CLCN3: variants seen among roughly 807,000 people sequenced by gnomAD.
The protein encoded by CLCN3 is Cl-/H+ antiporter 3.
A neutral mutation model predicts 83.4 loss-of-function variants in CLCN3; 16 were observed. The ratio of observed to expected loss-of-function variants is 0.19; its 90% CI spans 0.13 to 0.29. CLCN3 has a LOEUF of 0.29. Among genes scored for constraint, CLCN3 ranks in the 10% least tolerant of loss-of-function variants. The pLI is 1.00. For missense variants in CLCN3, 544 were observed against 1,006.0 expected, an observed-to-expected ratio of 0.54 and a Z score of 6.21; for synonymous variants, 322 against 346.2, an observed-to-expected ratio of 0.93 and a Z score of 0.78.
In CLCN3 at chr4:169,687,700, A is replaced by G; in HGVS notation, c.361A>G (p.Ser121Gly). The change falls in exon 4 of 13, where the codon AGT becomes GGT. Residue 121 changes from serine to glycine, a missense_variant. This residue lies in a region of CLCN3 where 96 missense variants were observed against 202.1 expected (regional missense o/e 0.48). Transcript: ENST00000513761. Reference protein sequence around the residue: ...KKESAWEMTKSLYDAWSGWLV... With the variant: ...KKESAWEMTKGLYDAWSGWLV... ...AGAATCAGCATGGGAAATGACAAAA[A>G]GTTTGTATGATGCGTGGTCAGGATG... 3 of 1,611,550 alleles carry G rather than the reference A, an allele frequency of 1.9e-6. No homozygotes were observed. The highest frequency in any genetic ancestry group is 2.5e-6 in the Non-Finnish European group (3 of 1,178,748).
chr4:169,670,104 T>C (rs1731401407), intron 2 of CLCN3, among the ~76,000 whole-genome samples: 1 of 152,220 alleles, frequency 6.6e-6, no homozygotes, highest in Non-Finnish European at 1.5e-5. Flanking sequence ...TTTCTTTTAC[T>C]GTGCAGAAGC....
In CLCN3 at chr4:169,678,765, C is replaced by T. The variant is rs568357085; in HGVS notation, c.161-1285C>T. ...GTTATGGATTAACAGCATCCCAAGG[C>T]AGAAGAATTTTTCTTAGTACAGAAC... On this transcript the variant is annotated intron_variant, in intron 2 of 12. Coordinates refer to ENST00000513761, the MANE Select transcript of CLCN3 (RefSeq NM_001829.4). Among the ~76,000 whole-genome samples the T allele has an allele frequency of 8.8e-4, 134 of 152,330 alleles. 5 individuals are homozygous for T. The South Asian group carries it at 0.027, about 30-fold the overall frequency.
At chr4:169,664,816 A>G (rs965405684) in intron 2 of CLCN3, among the ~76,000 whole-genome samples, 1 of 152,212 alleles carries the variant, frequency 6.6e-6, no homozygotes, top group Non-Finnish European at 1.5e-5. Context: ...GCTTTGTATC[A>G]AGATTTCCGA....
chr4:169,705,789 A>G (rs1178109075), intron 10 of CLCN3, among the ~76,000 whole-genome samples: 1 of 152,172 alleles, frequency 6.6e-6, no homozygotes, highest in African/African-American at 2.4e-5. Flanking sequence ...TAAAAGTAGT[A>G]CTTAGGAAAG....
intron 2 of CLCN3, among the ~76,000 whole-genome samples, chr4:169,663,779 A>G (rs1731149142): frequency 6.6e-6 from 1 of 152,170 alleles, no homozygotes; most frequent in Non-Finnish European, 1.5e-5. Flanking sequence ...TTCCATCCAG[A>G]TATTTGGCTC....
At chr4:169,646,393 A>T (rs899766647) in intron 2 of CLCN3, among the ~76,000 whole-genome samples, 3 of 151,980 alleles carry the variant, frequency 2.0e-5, no homozygotes, top group African/African-American at 7.3e-5. Context: ...TGTTGAAGTG[A>T]TTCTCGTGCC....
intron 3 of CLCN3, among the ~76,000 whole-genome samples, chr4:169,681,643 G>T (rs1216076769): frequency 6.6e-6 from 1 of 152,004 alleles, no homozygotes; most frequent in Non-Finnish European, 1.5e-5. Context: ...CTCCAAGGAG[G>T]CTTTGTTTAC....
chr4:169,638,893 A>C (rs956383665), intron 2 of CLCN3, among the ~76,000 whole-genome samples: 3 of 152,240 alleles, frequency 2.0e-5, no homozygotes, highest in Non-Finnish European at 2.9e-5. Flanking sequence ...TAACTGGCAA[A>C]GGGGAATGAA....
intron 2 of CLCN3, among the ~76,000 whole-genome samples, chr4:169,676,821 A>G (rs905227741): frequency 1.4e-4 from 22 of 152,154 alleles, no homozygotes; most frequent in African/African-American, 5.3e-4. Context: ...TCTAATAGCA[A>G]TATAAATTGT....
intron 2 of CLCN3, among the ~76,000 whole-genome samples, chr4:169,672,220 T>TAGATAGATAGATA (rs1553968499): frequency 0.039 from 5,641 of 145,576 alleles, 235 homozygotes; most frequent in African/African-American, 0.11. Context: ...TCAAAATAAA[T>TAGATAGATAGATA]GATAGATAGA....
Position 169,677,590 on chromosome 4 carries a change from A to C in CLCN3, c.161-2460A>C, listed in dbSNP as rs80122173. ...CACATTGTGCATAATTTATGGGTTT[A>C]TTCAAGGATTTATGCAAGTGTAGCT... On this transcript the variant is annotated intron_variant, in intron 2 of 12. Transcript: ENST00000513761. Among the ~76,000 whole-genome samples the C allele has an allele frequency of 4.8e-3, 731 of 152,316 alleles. 5 individuals carry two copies. The highest frequency in any genetic ancestry group is 0.017 in the African/African-American group (708 of 41,570).
chr4:169,669,305 G>A (rs1731370494), intron 2 of CLCN3, among the ~76,000 whole-genome samples: 1 of 152,090 alleles, frequency 6.6e-6, no homozygotes, highest in Admixed American at 6.5e-5. Flanking sequence ...TGTTCATAAT[G>A]GCAAACCAAC....
intron 11 of CLCN3, among the ~76,000 whole-genome samples, chr4:169,708,360 A>G (rs1733071357): frequency 6.6e-6 from 1 of 152,240 alleles, no homozygotes; most frequent in Non-Finnish European, 1.5e-5. Context: ...CACCCTGTTC[A>G]GTTTGGGAAC....
rs1278534691 is a variant in CLCN3, at chr4:169,722,040, A to G, written c.*2043A>G. On this transcript the variant is annotated 3_prime_UTR_variant, in exon 13 of 13. Transcript: ENST00000513761. Reference sequence around the variant, plus strand: ...TGCCATGCTGCCCAGGCTGGTCTCAACTCCTCAGCTCAAGCAATCTGCCTG... The same window carrying G: ...TGCCATGCTGCCCAGGCTGGTCTCAGCTCCTCAGCTCAAGCAATCTGCCTG... 1 of 152,076 alleles carries G rather than the reference A, an allele frequency of 6.6e-6. No homozygotes were observed. The highest frequency in any genetic ancestry group is 2.4e-5 in the African/African-American group (1 of 41,392). 9.4% of individuals were successfully genotyped at this position (152,076 alleles called of 1,614,324 possible). A position where few individuals can be genotyped will look rare whatever the true frequency, so the allele number is the denominator to read the frequency against.
At chr4:169,707,369 G>A (rs1436883744) in intron 11 of CLCN3, 103 bp downstream of exon 11, 3 of 860,670 alleles carry the variant, frequency 3.5e-6, no homozygotes, top group African/African-American at 1.7e-5. Context: ...TGGGGGCAAG[G>A]GACATTATTT....
chr4:169,711,150 C>A (rs1312191010), intron 11 of CLCN3, among the ~76,000 whole-genome samples: 1 of 152,144 alleles, frequency 6.6e-6, no homozygotes, highest in Admixed American at 6.5e-5. Context: ...GAGTTTTACT[C>A]CCCCGTCCAC....
chr4:169,627,826 T>G (rs1448744165), intron 1 of CLCN3, among the ~76,000 whole-genome samples: 2 of 152,180 alleles, frequency 1.3e-5, no homozygotes, highest in Admixed American at 1.3e-4. Flanking sequence ...GACAAGATTA[T>G]TCTAAAATTT....
chr4:169,651,974 A>G (rs1040585821), intron 2 of CLCN3, among the ~76,000 whole-genome samples: 7 of 152,284 alleles, frequency 4.6e-5, no homozygotes, highest in Admixed American at 3.3e-4. Flanking sequence ...AGGGAAAAAA[A>G]GAAGAAATCC....
intron 2 of CLCN3, among the ~76,000 whole-genome samples, chr4:169,639,270 G>A (rs1174218580): frequency 6.6e-6 from 1 of 152,176 alleles, no homozygotes; most frequent in Non-Finnish European, 1.5e-5. Context: ...AGGTTCGAAC[G>A]ATCCTCTTGC....
Sources: gnomAD v4.1 joint callset for allele counts (sites outside exome capture counted in the v4.1 genomes callset) on GRCh38, gnomAD v4.1.1 for gene constraint, gnomAD v4.1.1 regional missense constraint, MANE v1.5 for transcripts, NCBI Gene and HGNC (gene_info 2026-07-23, HGNC 2026-07-21) for gene names.